Variants in IKZF2 observed in about 807,000 individuals in gnomAD.
IKZF2 encodes the protein IKAROS family zinc finger 2.
A neutral mutation model predicts 49.2 loss-of-function variants in IKZF2; 15 were observed. The ratio of observed to expected loss-of-function variants is 0.30; its 90% CI spans 0.20 to 0.47. The LOEUF (loss-of-function observed/expected upper bound fraction) is 0.47. Among genes scored for constraint, IKZF2 ranks in the 20% least tolerant of loss-of-function variants. The pLI, the probability that IKZF2 is intolerant of heterozygous loss-of-function variation, is 1.00. For synonymous variants in IKZF2, 227 were observed against 221.4 expected, an observed-to-expected ratio of 1.03 and a Z score of -0.23; for missense variants, 567 against 664.6, an observed-to-expected ratio of 0.85 and a Z score of 1.61.
chr2:213,030,677 C>T (rs1250827776), intron 6 of IKZF2, among the ~76,000 whole-genome samples: 1 of 151,894 alleles, frequency 6.6e-6, no homozygotes, highest in Non-Finnish European at 1.5e-5. Context: ...TCCAAAAAAA[C>T]TAAATATAGT....
At chr2:213,105,216 C>A (rs933645322) in intron 4 of IKZF2, among the ~76,000 whole-genome samples, 1 of 152,116 alleles carries the variant, frequency 6.6e-6, no homozygotes, top group Non-Finnish European at 1.5e-5. Flanking sequence ...TCTTCTACTG[C>A]AAAGCTCTCC....
At chr2:213,112,095 T>C (rs987924824) in intron 4 of IKZF2, among the ~76,000 whole-genome samples, 2 of 152,110 alleles carry the variant, frequency 1.3e-5, no homozygotes, top group African/African-American at 4.8e-5. Context: ...TATAAACTAA[T>C]AGATTATGTT....
intron 4 of IKZF2, among the ~76,000 whole-genome samples, chr2:213,123,999 C>A (rs1390950099): frequency 6.6e-6 from 1 of 151,516 alleles, no homozygotes; most frequent in African/African-American, 2.4e-5. Flanking sequence ...TAAGGAAGAA[C>A]TTTCTAAGAA....
rs1366475529 is a variant in IKZF2 at position 213,151,555 on chromosome 2, G to C, written c.-262C>G. 2.6e-5 allele frequency: 4 copies of C among 152,542 alleles called. No homozygotes were observed. Among genetic ancestry groups the C allele is most frequent in the Admixed American group, 2.6e-4 (4 of 15,278 alleles). 9.4% of individuals were successfully genotyped at this position (152,542 alleles called of 1,614,324 possible). A position where few individuals can be genotyped will look rare whatever the true frequency, so the allele number is the denominator to read the frequency against. On this transcript the variant is annotated 5_prime_UTR_variant, in exon 1 of 9. Transcript: ENST00000434687. ...TGGTGGAAACTAAGGCAGTGGATCT[G>C]TAGCTAAGGGTAATCCTGTTTTTAC...
chr2:213,145,581 C>T (rs143287530), intron 4 of IKZF2, among the ~76,000 whole-genome samples: 24 of 152,062 alleles, frequency 1.6e-4, no homozygotes, highest in African/African-American at 5.8e-4. Flanking sequence ...ACGAGAGTTC[C>T]TCTCTATCAC....
intron 4 of IKZF2, among the ~76,000 whole-genome samples, chr2:213,084,630 C>T (rs1704359512): frequency 6.6e-6 from 1 of 150,748 alleles, no homozygotes; most frequent in East Asian, 2.0e-4. Flanking sequence ...GTTCCTTCAA[C>T]TCTCCCTTTC....
chr2:213,148,597 C>G lies in IKZF2; in HGVS notation c.33G>C (p.Thr11=). The G allele has an allele frequency of 6.2e-7, 1 of 1,608,988 alleles. No individual in the cohort carries two copies. Among genetic ancestry groups the G allele is most frequent in the Non-Finnish European group, 8.5e-7 (1 of 1,175,822 alleles). ...AAATCAATGAAAACTAATACTTACACGTTATATAGCCATCAATAGCCTCTG... is the reference window on the plus strand; with the variant it reads ...AAATCAATGAAAACTAATACTTACAGGTTATATAGCCATCAATAGCCTCTG... METEAIDGYI[T]CDNELSPERE... The change falls in exon 3 of 9, where the codon ACG becomes ACC. Residue 11 remains threonine (T), a splice_region_variant and synonymous_variant. Coordinates refer to ENST00000434687, the MANE Select transcript of IKZF2 (RefSeq NM_001387220.1).
chr2:213,151,856 T>TGC (rs920664847), upstream of IKZF2, among the ~76,000 whole-genome samples: 22 of 149,202 alleles, frequency 1.5e-4, no homozygotes, highest in Admixed American at 1.2e-3. Flanking sequence ...AGAGCGCGTG[T>TGC]GCGCGCGCGC....
At chr2:213,075,529 G>T (rs887955771) in intron 4 of IKZF2, among the ~76,000 whole-genome samples, 35 of 152,042 alleles carry the variant, frequency 2.3e-4, no homozygotes, top group African/African-American at 8.0e-4. Context: ...ATTTTTTAAA[G>T]TGACAGTTTG....
chr2:213,116,517 T>C (rs1479531220), intron 4 of IKZF2, among the ~76,000 whole-genome samples: 1 of 152,168 alleles, frequency 6.6e-6, no homozygotes, highest in Admixed American at 6.5e-5. Context: ...GGTGGATTGC[T>C]TGAGTCCAGG....
Position 213,102,942 on chromosome 2 carries a change from T to A in IKZF2, c.139+44766A>T, listed in dbSNP as rs80014690. Among the ~76,000 whole-genome samples the A allele has an allele frequency of 6.0e-3, 907 of 152,036 alleles. 6 individuals are homozygous for A. Among genetic ancestry groups the A allele is most frequent in the Non-Finnish European group, 9.3e-3 (634 of 67,940 alleles). ...CTCTCGAATATTGTGAGATAAGCAGTAATGGAAAAATAAGAGAGGTAAGAT... is the reference window on the plus strand; with the variant it reads ...CTCTCGAATATTGTGAGATAAGCAGAAATGGAAAAATAAGAGAGGTAAGAT... On this transcript the variant is annotated intron_variant, in intron 4 of 8. Transcript: ENST00000434687.
At chr2:213,070,835 T>C (rs1702624218) in intron 4 of IKZF2, among the ~76,000 whole-genome samples, 1 of 152,096 alleles carries the variant, frequency 6.6e-6, no homozygotes, top group Admixed American at 6.6e-5. Context: ...AAAAGAAAGG[T>C]TTAAGGCCCT....
At chr2:213,142,024 A>G (rs999784057) in intron 4 of IKZF2, among the ~76,000 whole-genome samples, 13 of 152,046 alleles carry the variant, frequency 8.6e-5, no homozygotes, top group African/African-American at 3.1e-4. Context: ...TTATGGTACT[A>G]CCAGAAGCAT....
intron 6 of IKZF2, among the ~76,000 whole-genome samples, chr2:213,025,362 T>A (rs536142190): frequency 6.6e-6 from 1 of 152,232 alleles, no homozygotes; most frequent in Non-Finnish European, 1.5e-5. Flanking sequence ...CAACTGGCCA[T>A]GTACATCTTT....
intron 4 of IKZF2, among the ~76,000 whole-genome samples, chr2:213,067,617 C>T (rs942410323): frequency 6.6e-6 from 1 of 152,050 alleles, no homozygotes; most frequent in Non-Finnish European, 1.5e-5. Context: ...ATTAATAGGA[C>T]AACCAAGTAT....
chr2:213,128,597 A>G (rs2060347995), intron 4 of IKZF2, among the ~76,000 whole-genome samples: 1 of 151,272 alleles, frequency 6.6e-6, no homozygotes. Flanking sequence ...AGGAACACCA[A>G]GCCAAGAGTC....
intron 4 of IKZF2, among the ~76,000 whole-genome samples, chr2:213,081,890 G>A (rs1703992708): frequency 6.6e-6 from 1 of 152,178 alleles, no homozygotes; most frequent in Non-Finnish European, 1.5e-5. Flanking sequence ...GTAGGGTCCA[G>A]AATCTGAGTC....
chr2:213,045,299 T>G (rs1363355087), intron 6 of IKZF2, among the ~76,000 whole-genome samples: 2 of 152,240 alleles, frequency 1.3e-5, no homozygotes, highest in African/African-American at 4.8e-5. Flanking sequence ...AGATGCAGTT[T>G]TAGCTGTACA....
In IKZF2 at chr2:213,006,339, G is replaced by A. The variant is rs1358688932; in HGVS notation, c.*1021C>T. ...GAAATACCAGAAAAGGGATTTCTAAGTGGGTTTTCTCCCCCTACTGTTAGC... is the reference window on the plus strand; with the variant it reads ...GAAATACCAGAAAAGGGATTTCTAAATGGGTTTTCTCCCCCTACTGTTAGC... On this transcript the variant is annotated 3_prime_UTR_variant, in exon 9 of 9. Coordinates refer to ENST00000434687, the MANE Select transcript of IKZF2 (RefSeq NM_001387220.1). 6.6e-6 allele frequency: 1 copy of A among 152,480 alleles called. No homozygotes were observed. The allele number at this position is 152,480 out of a possible 1,614,324, so 9.4% of individuals were successfully genotyped here.
Sources: allele counts gnomAD v4.1 joint callset (sites outside exome capture counted in the v4.1 genomes callset), GRCh38; gene constraint gnomAD v4.1.1; transcripts MANE v1.5; gene names NCBI Gene and HGNC (gene_info 2026-07-23, HGNC 2026-07-21).